The following SLC25A12 variants were observed in gnomAD, a reference collection of about 807,000 sequenced individuals.
SLC25A12 encodes the protein solute carrier family 25 member 12, also known as electrogenic aspartate/glutamate antiporter SLC25A12, mitochondrial.
A neutral mutation model predicts 83.3 loss-of-function variants in SLC25A12; 32 were observed. The ratio of observed to expected loss-of-function variants is 0.38; its 90% CI spans 0.29 to 0.52. The LOEUF (loss-of-function observed/expected upper bound fraction) is 0.52. Ranked by LOEUF, SLC25A12 falls within the 20% of genes least tolerant of loss-of-function variation. SLC25A12 has a pLI of 0.84. For synonymous variants in SLC25A12, 267 were observed against 291.1 expected (o/e 0.92, Z 0.84); for missense variants, 611 against 835.6 (o/e 0.73, Z 3.31).
chr2:171,801,669 C>G (rs1683709913), intron 13 of SLC25A12, among the ~76,000 whole-genome samples: 1 of 152,026 alleles, frequency 6.6e-6, no homozygotes, highest in South Asian at 2.1e-4. Context: ...ACTTTCAGTA[C>G]AGTATTCAAT....
intron 9 of SLC25A12, among the ~76,000 whole-genome samples, chr2:171,817,606 A>AAAAAAAAAC (rs1322477060): frequency 4.0e-5 from 6 of 150,820 alleles, no homozygotes; most frequent in African/African-American, 1.5e-4. Flanking sequence ...GCCTCAAAAA[A>AAAAAAAAAC]AAAAAAAAAA....
chr2:171,881,043 A>G (rs1207062853), intron 2 of SLC25A12, among the ~76,000 whole-genome samples: 1 of 152,252 alleles, frequency 6.6e-6, no homozygotes, highest in African/African-American at 2.4e-5. Flanking sequence ...ATGATGATTT[A>G]TATAAAATAC....
chr2:171,865,985 T>C (rs1185258136), intron 3 of SLC25A12, among the ~76,000 whole-genome samples: 1 of 144,412 alleles, frequency 6.9e-6, no homozygotes, highest in Non-Finnish European at 1.5e-5. Flanking sequence ...CAGAGGACCC[T>C]GCGGCCTTCC....
At chr2:171,848,369 C>A in intron 4 of SLC25A12, 1 of 444,430 alleles carries the variant, frequency 2.3e-6, no homozygotes, top group South Asian at 1.6e-5. Flanking sequence ...CCAGCAGGAG[C>A]CACTACAACC....
intron 2 of SLC25A12, among the ~76,000 whole-genome samples, chr2:171,873,812 T>C (rs924927026): frequency 3.3e-5 from 5 of 152,166 alleles, no homozygotes; most frequent in African/African-American, 1.2e-4. Context: ...ATATAAATGA[T>C]AGCATACTAT....
At chr2:171,835,552 G>A (rs1676751255) in intron 6 of SLC25A12, among the ~76,000 whole-genome samples, 1 of 152,202 alleles carries the variant, frequency 6.6e-6, no homozygotes, top group South Asian at 2.1e-4. Flanking sequence ...CATTACCTCT[G>A]CAGGATGAAG....
intron 17 of SLC25A12, among the ~76,000 whole-genome samples, 188 bp downstream of exon 17, chr2:171,787,383 G>A (rs140492639): frequency 3.3e-5 from 5 of 152,266 alleles, no homozygotes; most frequent in South Asian, 2.1e-4. Context: ...TATTATGTAC[G>A]ATGTCACTCT....
At chr2:171,852,916 A>G (rs1684962652) in intron 4 of SLC25A12, among the ~76,000 whole-genome samples, 1 of 152,214 alleles carries the variant, frequency 6.6e-6, no homozygotes, top group Non-Finnish European at 1.5e-5. Flanking sequence ...GAAGGCAGGG[A>G]CAGAAGGTGA....
chr2:171,885,890 C>T (rs1685807601), intron 2 of SLC25A12, among the ~76,000 whole-genome samples: 1 of 152,166 alleles, frequency 6.6e-6, no homozygotes, highest in African/African-American at 2.4e-5. Context: ...TTTTAAATTA[C>T]TCACTTGCTC....
rs1014678420 is a variant in SLC25A12 at position 171,793,508 on chromosome 2, AT to A, written c.1446+118del. ...GTCCTGATTCTTTTCTTTTTGTTTG[AT>A]TTTCTGCTCCACAGACTACCCTGCT... On this transcript the variant is annotated intron_variant, in intron 14 of 17. Transcript: ENST00000422440. 8.7e-6 allele frequency: 9 copies of A among 1,038,448 alleles called. No homozygotes were observed. The Admixed American group carries it at 1.5e-4, about 17-fold the overall frequency. 64.3% of individuals were successfully genotyped at this position (1,038,448 alleles called of 1,614,324 possible). A position where few individuals can be genotyped will look rare whatever the true frequency, so the allele number is the denominator to read the frequency against.
At chr2:171,838,775 T>A (rs1308324568) in intron 5 of SLC25A12, among the ~76,000 whole-genome samples, 1 of 152,250 alleles carries the variant, frequency 6.6e-6, no homozygotes, top group South Asian at 2.1e-4. Context: ...GAAAAAATCA[T>A]AGAGTATGTG....
At chr2:171,851,696 G>A (rs775536441) in intron 4 of SLC25A12, among the ~76,000 whole-genome samples, 25 of 151,878 alleles carry the variant, frequency 1.6e-4, no homozygotes, top group African/African-American at 3.1e-4. Flanking sequence ...CACCACACCC[G>A]GCTAATTTTT....
intron 13 of SLC25A12, among the ~76,000 whole-genome samples, chr2:171,801,328 T>C (rs1683704411): frequency 6.6e-6 from 1 of 152,156 alleles, no homozygotes; most frequent in African/African-American, 2.4e-5. Flanking sequence ...TAAATTGGGG[T>C]AAGAGAGTTA....
At chr2:171,881,054 T>A (rs1047228561) in intron 2 of SLC25A12, among the ~76,000 whole-genome samples, 18 of 152,238 alleles carry the variant, frequency 1.2e-4, no homozygotes, top group Admixed American at 4.6e-4. Flanking sequence ...TATAAAATAC[T>A]TAAAATAGTG....
intron 3 of SLC25A12, among the ~76,000 whole-genome samples, chr2:171,867,341 C>G (rs2105916301): frequency 6.6e-6 from 1 of 151,682 alleles, no homozygotes; most frequent in Non-Finnish European, 1.5e-5. Flanking sequence ...AGCCTGGGCA[C>G]CATTGAGCAC....
chr2:171,799,564 G>A (rs1195350275), intron 13 of SLC25A12, among the ~76,000 whole-genome samples: 3 of 152,156 alleles, frequency 2.0e-5, no homozygotes, highest in Non-Finnish European at 4.4e-5. Flanking sequence ...TTACCGATAT[G>A]AAGGGAGGGT....
chr2:171,875,796 C>G (rs1685552744), intron 2 of SLC25A12, among the ~76,000 whole-genome samples: 1 of 151,730 alleles, frequency 6.6e-6, no homozygotes, highest in Non-Finnish European at 1.5e-5. Context: ...GCCTGTAGTC[C>G]CCGCTACTCG....
chr2:171,809,432 C>A, intron 13 of SLC25A12, 174 bp downstream of exon 13: 1 of 645,398 alleles, frequency 1.5e-6, no homozygotes, highest in South Asian at 1.9e-5. Context: ...TTTCTACACT[C>A]AAAACCCGTT....
At chr2:171,793,530 C>T in intron 14 of SLC25A12, 97 bp downstream of exon 14, 2 of 1,275,384 alleles carry the variant, frequency 1.6e-6, no homozygotes, top group Non-Finnish European at 2.3e-6. Context: ...ACAGACTACC[C>T]TGCTGGACAA....
Sources: gnomAD v4.1 joint callset for allele counts (sites outside exome capture counted in the v4.1 genomes callset) on GRCh38, gnomAD v4.1.1 for gene constraint, MANE v1.5 for transcripts, NCBI Gene and HGNC (gene_info 2026-07-23, HGNC 2026-07-21) for gene names.